Variants in PLCG2 observed in about 807,000 individuals in gnomAD.
The protein encoded by PLCG2 is phospholipase C gamma 2, also known as 1-phosphatidylinositol 4,5-bisphosphate phosphodiesterase gamma-2.
A neutral mutation model predicts 175.6 loss-of-function variants in PLCG2; 69 were observed. The observed-to-expected ratio is 0.39, with a 90% CI of 0.32 to 0.48. PLCG2 has a LOEUF of 0.48. Ranked by LOEUF, PLCG2 falls within the 20% of genes least tolerant of loss-of-function variation. The probability of loss-of-function intolerance (pLI) is 0.91; values close to 1 mark genes in which losing one functional copy is unlikely to be tolerated. For synonymous variants in PLCG2, 827 were observed against 624.0 expected (o/e 1.33, Z -4.85); for missense variants, 1,798 against 1,650.9 (o/e 1.09, Z -1.54).
intron 2 of PLCG2, among the ~76,000 whole-genome samples, chr16:81,801,162 C>T (rs1392777208): frequency 1.3e-5 from 2 of 152,106 alleles, no homozygotes; most frequent in African/African-American, 2.4e-5. Context: ...AGTAGCGTAG[C>T]GATTGAGAAT....
chr16:81,899,570 G>A (rs1909053280), intron 13 of PLCG2, among the ~76,000 whole-genome samples: 2 of 152,110 alleles, frequency 1.3e-5, no homozygotes, highest in Admixed American at 1.3e-4. Context: ...TCCCCTTCCT[G>A]GTCTACAGCG....
At chr16:81,819,697 G>A (rs922530248) in intron 2 of PLCG2, among the ~76,000 whole-genome samples, 1 of 152,186 alleles carries the variant, frequency 6.6e-6, no homozygotes, top group African/African-American at 2.4e-5. Context: ...CGAATATCCT[G>A]CCTCAGCCTC....
At chr16:81,781,028 G>GACAGACAA (rs1555505846) in intron 1 of PLCG2, among the ~76,000 whole-genome samples, 1 of 150,736 alleles carries the variant, frequency 6.6e-6, no homozygotes, top group African/African-American at 2.4e-5. Context: ...TCCATCTCAA[G>GACAGACAA]ACAAACAAAC....
chr16:81,778,016 C>CAAAAAAAA (rs753644088), upstream of PLCG2, among the ~76,000 whole-genome samples: 4 of 49,086 alleles, frequency 8.1e-5, no homozygotes, highest in Non-Finnish European at 1.4e-4. Context: ...GACTTTGTCT[C>CAAAAAAAA]AAAAAAAAAA....
intron 1 of PLCG2, among the ~76,000 whole-genome samples, chr16:81,741,896 A>G (rs1188727705): frequency 1.3e-5 from 2 of 152,144 alleles, no homozygotes; most frequent in Admixed American, 1.3e-4. Flanking sequence ...AACATTGAAA[A>G]TCTCTTCTAG....
chr16:81,793,431 T>C (rs969116333), intron 2 of PLCG2, among the ~76,000 whole-genome samples: 1 of 152,226 alleles, frequency 6.6e-6, no homozygotes. Flanking sequence ...CAGGAGCCGA[T>C]GTGGTGCCAC....
intron 1 of PLCG2, among the ~76,000 whole-genome samples, chr16:81,783,360 G>C (rs1269901933): frequency 1.3e-5 from 2 of 152,178 alleles, no homozygotes; most frequent in African/African-American, 4.8e-5. Flanking sequence ...CAACGTGCAG[G>C]TTTGTTACAT....
chr16:81,837,462 G>A (rs1317466813), intron 2 of PLCG2, among the ~76,000 whole-genome samples: 1 of 152,218 alleles, frequency 6.6e-6, no homozygotes. Flanking sequence ...GAAATAGGAC[G>A]GGTCCTGGCA....
rs561737522 is a variant in PLCG2 at position 81,755,868 on chromosome 16, A to G, written c.-144-2A>G. 3.3e-4 allele frequency: 50 copies of G among 152,390 alleles called. No homozygotes were observed. The highest frequency in any genetic ancestry group is 1.2e-3 in the African/African-American group (50 of 41,580). 9.4% of individuals were successfully genotyped at this position (152,390 alleles called of 1,614,324 possible). ...CATCAGCTTCTGAAACTATCTCTGC[A>G]GAAGTTCTGAGGGTACCCCTCACTC... On this transcript the variant is annotated splice_acceptor_variant, in intron 1 of 5. Coordinates refer to the PLCG2 transcript ENST00000565054. LOFTEE classifies it low-confidence loss of function (5UTR_SPLICE).
chr16:81,951,044 G>A (rs943187261), intron 31 of PLCG2, among the ~76,000 whole-genome samples: 2 of 152,204 alleles, frequency 1.3e-5, no homozygotes, highest in Admixed American at 6.5e-5. Context: ...CTGGAATACA[G>A]TGGTGTGATC....
At position 81,957,948 on chromosome 16, in the gene PLCG2, T is replaced by C. The variant is rs761781769; in HGVS notation, c.3756-8T>C. 1.4e-5 allele frequency: 22 copies of C among 1,613,206 alleles called. No homozygotes were observed. The highest frequency in any genetic ancestry group is 1.8e-5 in the Non-Finnish European group (21 of 1,179,106). ...CCACTGCTGATGGTGAAATCTGTTT[T>C]ATTTCAGGTTAAGAGAGAAGAGAGT... On this transcript the variant is annotated splice_region_variant and splice_polypyrimidine_tract_variant and intron_variant, in intron 32 of 32. Coordinates refer to ENST00000564138, the MANE Select transcript of PLCG2 (RefSeq NM_002661.5).
chr16:81,822,698 AGTGAGT>A (rs1904853593), intron 2 of PLCG2, among the ~76,000 whole-genome samples: 3 of 141,228 alleles, frequency 2.1e-5, no homozygotes, highest in East Asian at 4.7e-4. Flanking sequence ...TGAAGGTTGT[AGTGAGT>A]GAACCGAGTT....
chr16:81,844,877 G>A (rs936703883), intron 2 of PLCG2, among the ~76,000 whole-genome samples: 11 of 152,028 alleles, frequency 7.2e-5, no homozygotes, highest in African/African-American at 2.4e-4. Flanking sequence ...TTGTCATGTC[G>A]GTACATAAGG....
Position 81,895,910 on chromosome 16 carries a change from C to A in PLCG2, c.1176C>A (p.His392Gln). 1 of 1,614,082 alleles carries A rather than the reference C, an allele frequency of 6.2e-7. No homozygotes were observed. The highest frequency in any genetic ancestry group is 1.1e-5 in the South Asian group (1 of 91,070). Reference protein sequence around the residue: ...FDDVVQAIKDHAFVTSSFPVI... With the variant: ...FDDVVQAIKDQAFVTSSFPVI... ...ACGTCGTGCAGGCCATCAAAGACCA[C>A]GCCTTTGTTACCTCGAGGTCAGTTG... Residue 392 changes from histidine to glutamine, a missense_variant, in exon 13 of 33, where the codon CAC (histidine) becomes CAA (glutamine). Physicochemically the swap from His to Gln is conservative, Grantham distance 24 (BLOSUM62 0). Coordinates refer to ENST00000564138, the MANE Select transcript of PLCG2 (RefSeq NM_002661.5).
At chr16:81,873,296 T>G (rs1383861985) in intron 7 of PLCG2, among the ~76,000 whole-genome samples, 3 of 152,158 alleles carry the variant, frequency 2.0e-5, no homozygotes, top group Non-Finnish European at 4.4e-5. Context: ...CCCCTCTCCT[T>G]TAGACAGGAA....
At position 81,905,476 on chromosome 16, in the gene PLCG2, G is replaced by C. The variant is rs1389072647; in HGVS notation, c.1436G>C (p.Gly479Ala). The C allele has an allele frequency of 1.2e-6, 2 of 1,614,112 alleles. No individual in the cohort carries two copies. The highest frequency in any genetic ancestry group is 1.7e-5 in the Admixed American group (1 of 60,022). The change falls in exon 15 of 33, where the codon GGG (glycine) becomes GCG (alanine). Residue 479 changes from glycine to alanine, a missense_variant. Gly to Ala is a moderately conservative substitution (Grantham distance 60, BLOSUM62 0). Coordinates refer to ENST00000564138, the MANE Select transcript of PLCG2 (RefSeq NM_002661.5). ...EDKKDEHKQQ[G>A]ELYMWDSIDQ... ...AAGAAGGACGAACACAAGCAACAGG[G>C]GGAGCTGTACATGTGGGATTCCATT...
chr16:81,786,064 G>T lies in PLCG2; in HGVS notation c.75G>T (p.Gly25=). 1 of 1,614,214 alleles carries T rather than the reference G, an allele frequency of 6.2e-7. No individual in the cohort carries two copies. The highest frequency in any genetic ancestry group is 8.5e-7 in the Non-Finnish European group (1 of 1,180,000). ...KSQIKRALEL[G]TVMTVFSFRK... ...AGATCAAGAGAGCCCTGGAGCTGGG[G>T]ACGGTGATGACTGTGTTCAGCTTCC... Residue 25 remains glycine (G), a synonymous_variant, in exon 2 of 33, where the codon GGG becomes GGT. Transcript: ENST00000564138.
In PLCG2 at chr16:81,910,691, GCCCAAC is replaced by G; in HGVS notation, c.1915_1920del (p.Asn639_Pro640del). Reference sequence around the variant, plus strand: ...TCGAGCTGCGGCTCACGGACCCTGTGCCCAACCCCAACCCCCACGAGTCCAAGCCGT... The same window carrying G: ...TCGAGCTGCGGCTCACGGACCCTGTGCCCAACCCCCACGAGTCCAAGCCGT... On this transcript the variant is annotated inframe_deletion, in exon 18 of 33. Coordinates refer to ENST00000564138, the MANE Select transcript of PLCG2 (RefSeq NM_002661.5). 5.6e-6 allele frequency: 9 copies of G among 1,611,588 alleles called. No homozygotes were observed. Among genetic ancestry groups the G allele is most frequent in the Non-Finnish European group, 7.6e-6 (9 of 1,179,974 alleles).
rs1908742997 is a variant in PLCG2 at position 81,893,629 on chromosome 16, AC to A, written c.987-79del. Reference sequence around the variant, plus strand: ...GCGGCTCGGGCGGAGAAGTTCCCCCACAACACCCTGAGGTGCAGGCTTGCCC... The same window carrying A: ...GCGGCTCGGGCGGAGAAGTTCCCCCAAACACCCTGAGGTGCAGGCTTGCCC... On this transcript the variant is annotated intron_variant, in intron 11 of 32. Transcript: ENST00000564138. 6 of 835,156 alleles carry A rather than the reference AC, an allele frequency of 7.2e-6. No individual in the cohort carries two copies. In the Admixed American group the frequency reaches 1.1e-4, roughly 16 times the overall value. 51.7% of individuals were successfully genotyped at this position (835,156 alleles called of 1,614,324 possible).
Sources: allele counts gnomAD v4.1 joint callset (sites outside exome capture counted in the v4.1 genomes callset), GRCh38; gene constraint gnomAD v4.1.1; transcripts MANE v1.5; gene names NCBI Gene and HGNC (gene_info 2026-07-23, HGNC 2026-07-21).